YTHDC1: variants seen among roughly 807,000 people sequenced by gnomAD.
YTHDC1 encodes YTH domain-containing protein 1.
Under a neutral mutation model 107.0 loss-of-function variants are expected in YTHDC1, and 12 were observed. The observed-to-expected ratio is 0.11, with a 90% CI of 0.07 to 0.18. YTHDC1 has a LOEUF of 0.18. Among genes scored for constraint, YTHDC1 ranks in the 10% least tolerant of loss-of-function variants. The pLI, the probability that YTHDC1 is intolerant of heterozygous loss-of-function variation, is 1.00. For synonymous variants in YTHDC1, 280 were observed against 289.5 expected, an observed-to-expected ratio of 0.97 and a Z score of 0.33; for missense variants, 635 against 898.8, an observed-to-expected ratio of 0.71 and a Z score of 3.75.
rs1249867819 is a variant in YTHDC1, at chr4:68,322,989, A to G, written c.1435-74T>C. On this transcript the variant is annotated intron_variant, in intron 10 of 16. Coordinates refer to ENST00000344157, the MANE Select transcript of YTHDC1 (RefSeq NM_001031732.4). The surrounding 1 kb of genome is among the most constrained non-coding windows in gnomAD (Gnocchi z 4.8). ...CAGACTTGCATTTTCCTGATGTACC[A>G]GAACAAAAACTGACTTGGAAGCTTT... 4.0e-6 allele frequency: 6 copies of G among 1,491,000 alleles called. No individual in the cohort carries two copies. The African/African-American group carries it at 6.9e-5, about 17-fold the overall frequency. The allele number at this position is 1,491,000 out of a possible 1,614,324, so 92.4% of individuals were successfully genotyped here.
rs202087978 is a variant in YTHDC1 at position 68,331,908 on chromosome 4, T to TA, written c.1122+194dup. On this transcript the variant is annotated intron_variant, in intron 7 of 16. Coordinates refer to ENST00000344157, the MANE Select transcript of YTHDC1 (RefSeq NM_001031732.4). Reference sequence around the variant, plus strand: ...AATATTCTGACCCCTAAAATCATCTTAAAAAAAAAAAAAGAAAACTCAAAT... The same window carrying TA: ...AATATTCTGACCCCTAAAATCATCTTAAAAAAAAAAAAAAGAAAACTCAAAT... Among the ~76,000 whole-genome samples the TA allele has an allele frequency of 8.1e-3, 1,154 of 142,696 alleles. 11 individuals carry two copies. Among genetic ancestry groups the TA allele is most frequent in the African/African-American group, 0.026 (1,004 of 38,590 alleles). The allele number at this position is 142,696 out of a possible 152,430, so 93.6% of individuals were successfully genotyped here.
chr4:68,328,285 TACA>T (rs1182323886), intron 9 of YTHDC1, among the ~76,000 whole-genome samples: 5 of 152,192 alleles, frequency 3.3e-5, no homozygotes, highest in African/African-American at 7.2e-5. Flanking sequence ...TATGTTACAT[TACA>T]ACGTTTCCTC....
intron 15 of YTHDC1, 124 bp downstream of exon 15, chr4:68,318,395 A>T (rs1010779537): frequency 7.5e-5 from 73 of 967,892 alleles, no homozygotes; most frequent in Non-Finnish European, 1.1e-4. Flanking sequence ...GGTGTGAGCC[A>T]CGGCGCCTGG....
At position 68,312,932 on chromosome 4, in the gene YTHDC1, C is replaced by A. The variant is rs1028841281; in HGVS notation, c.*1167G>T. On this transcript the variant is annotated 3_prime_UTR_variant, in exon 17 of 17. Coordinates refer to ENST00000344157, the MANE Select transcript of YTHDC1 (RefSeq NM_001031732.4). ...GTTGGTTACCACTGGGAGAACTGGA[C>A]AGTTAACTTAAAATACAGAACTAAT... 1 of 152,164 alleles carries A rather than the reference C, an allele frequency of 6.6e-6. No individual in the cohort carries two copies. The highest frequency in any genetic ancestry group is 2.4e-5 in the African/African-American group (1 of 41,452). 9.4% of individuals were successfully genotyped at this position (152,164 alleles called of 1,614,324 possible). A position where few individuals can be genotyped will look rare whatever the true frequency, so the allele number is the denominator to read the frequency against.
intron 1 of YTHDC1, among the ~76,000 whole-genome samples, chr4:68,347,688 G>A (rs1399433258): frequency 6.6e-6 from 1 of 152,168 alleles, no homozygotes; most frequent in Non-Finnish European, 1.5e-5. Flanking sequence ...TGACATGACT[G>A]AGATTTTTAG....
chr4:68,317,627 G>A (rs1225208803), intron 15 of YTHDC1, among the ~76,000 whole-genome samples: 2 of 152,068 alleles, frequency 1.3e-5, no homozygotes, highest in Non-Finnish European at 2.9e-5. Context: ...AATAATCAGG[G>A]TTTAATTAAT....
intron 16 of YTHDC1, 60 bp from the exon 17 acceptor site, chr4:68,314,383 C>T: frequency 7.0e-7 from 1 of 1,435,028 alleles, no homozygotes; most frequent in Non-Finnish European, 9.3e-7. Flanking sequence ...TAAGTGGATC[C>T]CTGATTTGAA....
At position 68,313,310 on chromosome 4, in the gene YTHDC1, T is replaced by C. The variant is rs184538924; in HGVS notation, c.*789A>G. On this transcript the variant is annotated 3_prime_UTR_variant, in exon 17 of 17. Transcript: ENST00000344157. ...AACCTGCAATTGGATAAGAAAAAGA[T>C]ACAAAAGATAACCGTCAATCTTTAC... The C allele has an allele frequency of 1.8e-4, 27 of 152,556 alleles. No homozygotes were observed. Among genetic ancestry groups the C allele is most frequent in the African/African-American group, 6.5e-4 (27 of 41,424 alleles). The allele number at this position is 152,556 out of a possible 1,614,324, so 9.5% of individuals were successfully genotyped here. A position where few individuals can be genotyped will look rare whatever the true frequency, so the allele number is the denominator to read the frequency against.
intron 15 of YTHDC1, among the ~76,000 whole-genome samples, chr4:68,317,014 T>G (rs1263001144): frequency 6.6e-6 from 1 of 152,158 alleles, no homozygotes; most frequent in Non-Finnish European, 1.5e-5. Context: ...AAAGAATCCC[T>G]TAAGCCAGGA....
chr4:68,318,627 G>A (rs1407247141), intron 14 of YTHDC1, 46 bp from the exon 15 acceptor site: 1 of 1,606,866 alleles, frequency 6.2e-7, no homozygotes, highest in Non-Finnish European at 8.5e-7. Flanking sequence ...AATTATCACA[G>A]AACTGCAAAA....
At chr4:68,333,759 C>T (rs925651760) in intron 4 of YTHDC1, among the ~76,000 whole-genome samples, 2 of 152,076 alleles carry the variant, frequency 1.3e-5, no homozygotes, top group Non-Finnish European at 2.9e-5. Flanking sequence ...CCAGGTAACA[C>T]TGTCTTAAGT....
At chr4:68,338,026 G>A in intron 2 of YTHDC1, 126 bp from the exon 3 acceptor site, 1 of 1,461,542 alleles carries the variant, frequency 6.8e-7, no homozygotes. Context: ...AAAGTCTTCT[G>A]AGAGATTTCT....
chr4:68,319,283 T>C (rs1722185221), intron 12 of YTHDC1, among the ~76,000 whole-genome samples: 1 of 152,058 alleles, frequency 6.6e-6, no homozygotes. Context: ...TTTTAAAATG[T>C]AAACTTAAGG....
At position 68,338,289 on chromosome 4, in the gene YTHDC1, T is replaced by C; in HGVS notation, c.124A>G (p.Lys42Glu). 1.2e-6 allele frequency: 2 copies of C among 1,603,294 alleles called. No individual in the cohort carries two copies. The highest frequency in any genetic ancestry group is 2.7e-5 in the African/African-American group (2 of 74,598). The change falls in exon 2 of 17, where the codon AAA becomes GAA. Residue 42 changes from lysine (K) to glutamate (E), a missense_variant. Transcript: ENST00000344157. ...TAATAGAACTCTTACATACCCTTTT[T>C]CTCATTTTTATCTTGTTCACTCTCT... ...NPESEQDKNE[K>E]KGSKRKSDRM...
At chr4:68,327,334 G>GT (rs1416597240) in intron 9 of YTHDC1, among the ~76,000 whole-genome samples, 1 of 152,216 alleles carries the variant, frequency 6.6e-6, no homozygotes, top group Admixed American at 6.5e-5. Flanking sequence ...GTCAGTAAAT[G>GT]TAACTCTGGA....
In YTHDC1 at chr4:68,316,382, G is replaced by C; in HGVS notation, c.1891C>G (p.Gln631Glu). The change falls in exon 16 of 17, where the codon CAA (glutamine) becomes GAA (glutamate). Residue 631 changes from glutamine (Q) to glutamate (E), a missense_variant. This residue lies in a region of YTHDC1 where 256 missense variants were observed against 372.9 expected (regional missense o/e 0.69). Transcript: ENST00000344157. The part of the protein sequence containing the change: ...PYYQHHAPPP[Q>E]AHPPYSGHHP... ...TGTCCTGAGTAAGGGGGATGAGCTT[G>C]AGGAGGTGGAGCATGGTGCTGATAG... 6.2e-7 allele frequency: 1 copy of C among 1,614,088 alleles called. No homozygotes were observed. The highest frequency in any genetic ancestry group is 1.1e-5 in the South Asian group (1 of 91,078).
rs758572144 is a variant in YTHDC1 at position 68,332,087 on chromosome 4, G to C, written c.1122+16C>G. On this transcript the variant is annotated intron_variant, in intron 7 of 16. Coordinates refer to ENST00000344157, the MANE Select transcript of YTHDC1 (RefSeq NM_001031732.4). ...TTTTGATATTAGGATAGTTTCAACA[G>C]AACTGATGCTAATACCTTCGCTTTG... 3.9e-6 allele frequency: 6 copies of C among 1,548,846 alleles called. No homozygotes were observed. The highest frequency in any genetic ancestry group is 5.3e-6 in the Non-Finnish European group (6 of 1,137,170).
rs1721269951 is a variant in YTHDC1, at chr4:68,311,072, A to G, written c.*3027T>C. 1 of 152,202 alleles carries G rather than the reference A, an allele frequency of 6.6e-6. No homozygotes were observed. The highest frequency in any genetic ancestry group is 2.4e-5 in the African/African-American group (1 of 41,452). The allele number at this position is 152,202 out of a possible 1,614,324, so 9.4% of individuals were successfully genotyped here. On this transcript the variant is annotated 3_prime_UTR_variant, in exon 17 of 17. Transcript: ENST00000344157. ...TGATGTAATCCTCACAGAGGTGACC[A>G]TAACATGTGCCTCTCTTGCTTCCCA... is the stretch of plus-strand genomic sequence containing the variant.
chr4:68,315,489 A>G (rs1449937679), intron 16 of YTHDC1, among the ~76,000 whole-genome samples: 4 of 152,168 alleles, frequency 2.6e-5, no homozygotes, highest in Non-Finnish European at 5.9e-5. Flanking sequence ...GTGGAAAAAA[A>G]TTCTAACTTG....
Sources: gnomAD v4.1 joint callset for allele counts (sites outside exome capture counted in the v4.1 genomes callset) on GRCh38, gnomAD v4.1.1 for gene constraint, gnomAD v4.1.1 regional missense constraint, Gnocchi (gnomAD v3.1) non-coding constraint, MANE v1.5 for transcripts, NCBI Gene and HGNC (gene_info 2026-07-23, HGNC 2026-07-21) for gene names.